The following PTBP3 variants were observed in gnomAD, a reference collection of about 807,000 sequenced individuals.
PTBP3 encodes polypyrimidine tract binding protein 3.
In PTBP3, 20 loss-of-function variants were observed where a neutral mutation model predicts 58.7. The observed-to-expected ratio is 0.34, with a 90% CI of 0.24 to 0.50. The LOEUF is 0.50. Among genes scored for constraint, PTBP3 ranks in the 20% least tolerant of loss-of-function variants. PTBP3 has a pLI of 0.98. For missense variants in PTBP3, 509 were observed against 637.2 expected, an observed-to-expected ratio of 0.80 and a Z score of 2.17; for synonymous variants, 185 against 219.8, an observed-to-expected ratio of 0.84 and a Z score of 1.40.
In PTBP3 at chr9:112,220,854, T is replaced by A. The variant is rs1589786519; in HGVS notation, c.*2997A>T. The A allele has an allele frequency of 3.1e-6, 3 of 968,480 alleles. No homozygotes were observed. In the South Asian group the frequency reaches 1.4e-4, roughly 46 times the overall value. 60.0% of individuals were successfully genotyped at this position (968,480 alleles called of 1,614,324 possible). ...GAAGTCAAGACACCTTGAAAAGTGA[T>A]GACAATACTCCTTAAAAATAAAATA... On this transcript the variant is annotated 3_prime_UTR_variant, in exon 14 of 14. Coordinates refer to ENST00000374257, the MANE Select transcript of PTBP3 (RefSeq NM_001163788.4).
chr9:112,290,657 G>C (rs1479171013), intron 2 of PTBP3, among the ~76,000 whole-genome samples: 1 of 129,420 alleles, frequency 7.7e-6, no homozygotes, highest in African/African-American at 3.0e-5. Flanking sequence ...GGGTGACAAA[G>C]TCAGACTCTG....
chr9:112,250,836 G>A (rs958696188), intron 7 of PTBP3, 93 bp downstream of exon 7: 27 of 1,200,410 alleles, frequency 2.2e-5, no homozygotes, highest in Middle Eastern at 2.6e-4. Flanking sequence ...GAGAGAACTC[G>A]AGAAGAAAAA....
intron 1 of PTBP3, chr9:112,330,346 T>C (rs1830317549): frequency 9.4e-6 from 9 of 962,168 alleles, no homozygotes; most frequent in Admixed American, 2.7e-5. Flanking sequence ...TAAAGACTTT[T>C]ACACAATAAA....
At chr9:112,276,797 G>C (rs569516003) in intron 2 of PTBP3, among the ~76,000 whole-genome samples, 1 of 152,248 alleles carries the variant, frequency 6.6e-6, no homozygotes, top group South Asian at 2.1e-4. Flanking sequence ...TTTCAATACT[G>C]AGAATAACTA....
At chr9:112,224,851 A>T (rs922608661) in intron 12 of PTBP3, among the ~76,000 whole-genome samples, 1 of 152,234 alleles carries the variant, frequency 6.6e-6, no homozygotes, top group African/African-American at 2.4e-5. Flanking sequence ...TGAAGACACT[A>T]TGGAGAAGTC....
chr9:112,375,030 C>T, the PTBP3 span, among the ~76,000 whole-genome samples: 8 of 152,196 alleles, frequency 5.3e-5, no homozygotes, highest in Admixed American at 5.2e-4. Flanking sequence ...CATGAATAAC[C>T]TCCATCCCTG....
intron 1 of PTBP3, among the ~76,000 whole-genome samples, chr9:112,304,622 A>T (rs1829088205): frequency 1.3e-5 from 2 of 152,184 alleles, no homozygotes; most frequent in African/African-American, 4.8e-5. Context: ...GCTGGACTGC[A>T]GTGGGATGAT....
chr9:112,263,782 A>C (rs1836691473), intron 4 of PTBP3, among the ~76,000 whole-genome samples: 1 of 152,224 alleles, frequency 6.6e-6, no homozygotes, highest in Non-Finnish European at 1.5e-5. Context: ...TGGTTGATAG[A>C]AGAATGTTCT....
upstream of PTBP3, among the ~76,000 whole-genome samples, chr9:112,338,424 G>A (rs1044143197): frequency 9.9e-5 from 15 of 152,120 alleles, no homozygotes; most frequent in African/African-American, 1.9e-4. Context: ...GGGGGAAACT[G>A]GTTGAAGGGT....
At chr9:112,278,308 C>CG (rs1364440909) in intron 2 of PTBP3, among the ~76,000 whole-genome samples, 1 of 152,116 alleles carries the variant, frequency 6.6e-6, no homozygotes, top group Non-Finnish European at 1.5e-5. Flanking sequence ...GAGTCCTGGA[C>CG]GGGGGCGAGA....
chr9:112,333,630 G>T (rs1428542856), upstream of PTBP3: 38 of 808,524 alleles, frequency 4.7e-5, no homozygotes, highest in Non-Finnish European at 6.9e-5. Context: ...GGGAACAGGG[G>T]CGGGGACCGG....
intron 2 of PTBP3, among the ~76,000 whole-genome samples, chr9:112,285,500 A>G (rs2132254139): frequency 6.6e-6 from 1 of 152,352 alleles, no homozygotes; most frequent in South Asian, 2.1e-4. Context: ...CTATACTGTC[A>G]ATTAGATCAA....
At chr9:112,256,424 C>A (rs1483514880) in intron 5 of PTBP3, among the ~76,000 whole-genome samples, 1 of 151,368 alleles carries the variant, frequency 6.6e-6, no homozygotes, top group Non-Finnish European at 1.5e-5. Flanking sequence ...ATCATTTCTG[C>A]ATCATTAAGC....
chr9:112,332,974 C>T (rs928837975), intron 1 of PTBP3: 1 of 1,404,970 alleles, frequency 7.1e-7, no homozygotes, highest in Non-Finnish European at 9.3e-7. Flanking sequence ...ACCAGGTCGC[C>T]GCCCAGACGT....
chr9:112,291,162 C>A (rs1157827923), intron 2 of PTBP3, among the ~76,000 whole-genome samples: 1 of 151,874 alleles, frequency 6.6e-6, no homozygotes, highest in Admixed American at 6.6e-5. Flanking sequence ...GCGGAGGTTG[C>A]AGTGAGCCAA....
At chr9:112,306,605 T>TATATATATATATATA (rs746604981) in intron 1 of PTBP3, among the ~76,000 whole-genome samples, 1 of 94,144 alleles carries the variant, frequency 1.1e-5, no homozygotes, top group African/African-American at 7.4e-5. Flanking sequence ...TATATATATA[T>TATATATATATATATA]TTTTGTTTGT....
intron 1 of PTBP3, among the ~76,000 whole-genome samples, chr9:112,310,319 C>CT (rs1311155013): frequency 1.3e-5 from 2 of 152,098 alleles, no homozygotes; most frequent in Non-Finnish European, 2.9e-5. Context: ...AATATCAACA[C>CT]TTTTTTTGAA....
chr9:112,233,355 C>A (rs1267717914), intron 8 of PTBP3, among the ~76,000 whole-genome samples: 1 of 146,788 alleles, frequency 6.8e-6, no homozygotes, highest in Admixed American at 6.9e-5. Context: ...AGTCAGAAGC[C>A]CTCTTTTATT....
At chr9:112,299,194 G>A in intron 1 of PTBP3, among the ~76,000 whole-genome samples, 1 of 152,256 alleles carries the variant, frequency 6.6e-6, no homozygotes, top group South Asian at 2.1e-4. Context: ...ATTACTAACA[G>A]ATATATCTTC....
Sources: allele counts gnomAD v4.1 joint callset (sites outside exome capture counted in the v4.1 genomes callset), GRCh38; gene constraint gnomAD v4.1.1; transcripts MANE v1.5; gene names NCBI Gene and HGNC (gene_info 2026-07-23, HGNC 2026-07-21).